GRXCR2: variants seen among roughly 807,000 people sequenced by gnomAD.
The protein encoded by GRXCR2 is glutaredoxin domain-containing cysteine-rich protein 2.
A neutral mutation model predicts 24.8 loss-of-function variants in GRXCR2; 23 were observed. That is an observed-to-expected ratio of 0.93 (90% CI 0.67 to 1.32). The LOEUF (loss-of-function observed/expected upper bound fraction) is 1.32, where lower values mean the gene tolerates loss of function less well. GRXCR2 is among the 40% of genes most tolerant of loss of function. GRXCR2 has a pLI of 0.00. For missense variants in GRXCR2, 315 were observed against 303.4 expected, an observed-to-expected ratio of 1.04 and a Z score of -0.28; for synonymous variants, 130 against 116.1, an observed-to-expected ratio of 1.12 and a Z score of -0.77.
chr5:145,890,513 G>GA (rs1334898616), intron 2 of GRXCR2, among the ~76,000 whole-genome samples: 2 of 152,000 alleles, frequency 1.3e-5, no homozygotes, highest in Non-Finnish European at 2.9e-5. Context: ...AAGTATATTT[G>GA]AAAAAATAAT....
chr5:145,879,894 C>A (rs542908646), intron 2 of GRXCR2, among the ~76,000 whole-genome samples: 2 of 152,308 alleles, frequency 1.3e-5, no homozygotes, highest in East Asian at 3.9e-4. Flanking sequence ...GAAACTCACT[C>A]AAAACCGCAC....
chr5:145,910,142 C>T (rs1490381812), intron 2 of GRXCR2, among the ~76,000 whole-genome samples: 1 of 152,118 alleles, frequency 6.6e-6, no homozygotes, highest in East Asian at 1.9e-4. Context: ...TGTTTTAATA[C>T]CAGGGTTCCA....
At chr5:145,931,289 C>T (rs576359162) in intron 2 of GRXCR2, among the ~76,000 whole-genome samples, 11 of 152,292 alleles carry the variant, frequency 7.2e-5, no homozygotes, top group African/African-American at 2.4e-4. Flanking sequence ...GCCTTAGCCT[C>T]CCAAAGCGCT....
At chr5:145,916,570 T>C (rs1757244490) in intron 2 of GRXCR2, among the ~76,000 whole-genome samples, 1 of 152,218 alleles carries the variant, frequency 6.6e-6, no homozygotes, top group African/African-American at 2.4e-5. Flanking sequence ...ATTTGTATTT[T>C]GAAGAGTTTC....
At position 145,863,709 on chromosome 5, in the gene GRXCR2, G is replaced by T. The variant is rs140829743; in HGVS notation, c.564+2792C>A. On this transcript the variant is annotated intron_variant, in intron 2 of 2. Transcript: ENST00000377976. Reference sequence around the variant, plus strand: ...AGACAGGTCTCATTATGTTGCCCAGGCTAGTTTCGAGCTCCTGGGCTCAAG... The same window carrying T: ...AGACAGGTCTCATTATGTTGCCCAGTCTAGTTTCGAGCTCCTGGGCTCAAG... Among the ~76,000 whole-genome samples the T allele has an allele frequency of 4.3e-4, 65 of 152,190 alleles. 1 individual carries two copies. Among genetic ancestry groups the T allele is most frequent in the African/African-American group, 1.5e-3 (63 of 41,526 alleles).
chr5:145,922,144 C>A (rs1402927092), intron 2 of GRXCR2, among the ~76,000 whole-genome samples: 1 of 152,178 alleles, frequency 6.6e-6, no homozygotes, highest in African/African-American at 2.4e-5. Flanking sequence ...ATGCGGCTGC[C>A]CATACTCCAG....
At position 145,916,946 on chromosome 5, in the gene GRXCR2, C is replaced by T. The variant is rs550769458; in HGVS notation, c.-70+18755G>A. On this transcript the variant is annotated intron_variant, in intron 2 of 3. Transcript: ENST00000639411. ...TTATAGGAGCAAGCGTGGAAACTAA[C>T]TTAAAATCAAGAAGCTCCCTGACTT... 2.0e-5 allele frequency among the ~76,000 whole-genome samples: 3 copies of T among 152,148 alleles called. No homozygotes were observed. The South Asian group carries it at 6.2e-4, about 32-fold the overall frequency.
chr5:145,921,629 T>C (rs1052544839), intron 2 of GRXCR2, among the ~76,000 whole-genome samples: 1 of 152,234 alleles, frequency 6.6e-6, no homozygotes, highest in African/African-American at 2.4e-5. Context: ...GTTGGAGACC[T>C]AGCAACATTC....
chr5:145,925,874 T>C (rs1401387580), intron 2 of GRXCR2, among the ~76,000 whole-genome samples: 3 of 152,124 alleles, frequency 2.0e-5, no homozygotes, highest in Admixed American at 6.6e-5. Flanking sequence ...TTTCACATTA[T>C]CCTGGAAGGC....
intron 2 of GRXCR2, among the ~76,000 whole-genome samples, chr5:145,860,302 A>G (rs1444945877): frequency 6.6e-6 from 1 of 152,166 alleles, no homozygotes; most frequent in Non-Finnish European, 1.5e-5. Flanking sequence ...TGCTGTTCTA[A>G]GTGCTTCCTA....
At chr5:145,924,882 A>G (rs560656117) in intron 2 of GRXCR2, among the ~76,000 whole-genome samples, 1 of 152,214 alleles carries the variant, frequency 6.6e-6, no homozygotes, top group South Asian at 2.1e-4. Context: ...TCAGGCAGCC[A>G]TTCTGTGAGT....
intron 2 of GRXCR2, among the ~76,000 whole-genome samples, chr5:145,866,095 T>C (rs750990715): frequency 7.4e-5 from 11 of 149,394 alleles, no homozygotes; most frequent in Non-Finnish European, 1.2e-4. Context: ...GATCACGCCA[T>C]TGAGATCCTG....
At chr5:145,870,940 T>A (rs1044690493) in intron 1 of GRXCR2, among the ~76,000 whole-genome samples, 7 of 152,092 alleles carry the variant, frequency 4.6e-5, no homozygotes, top group African/African-American at 1.7e-4. Context: ...CCTAGATTTA[T>A]AAATTCTATA....
intron 2 of GRXCR2, among the ~76,000 whole-genome samples, chr5:145,898,729 T>G (rs1756984304): frequency 6.6e-6 from 1 of 152,098 alleles, no homozygotes; most frequent in Admixed American, 6.6e-5. Context: ...CATCTTTTCA[T>G]GGTAAAAACT....
At chr5:145,875,341 G>A (rs1756597089), upstream of GRXCR2, among the ~76,000 whole-genome samples, 2 of 152,202 alleles carry the variant, frequency 1.3e-5, no homozygotes, top group South Asian at 4.1e-4. Flanking sequence ...ACGAGGTCAA[G>A]AGATTAAGAC....
intron 2 of GRXCR2, among the ~76,000 whole-genome samples, chr5:145,897,366 G>A (rs1290459241): frequency 5.3e-5 from 8 of 151,242 alleles, no homozygotes; most frequent in Non-Finnish European, 1.2e-4. Flanking sequence ...ACACTTAATA[G>A]TGGAGAACTT....
intron 2 of GRXCR2, among the ~76,000 whole-genome samples, chr5:145,906,754 T>C (rs1757094198): frequency 6.6e-6 from 1 of 152,130 alleles, no homozygotes. Context: ...GGAAATAGAG[T>C]GCAAAAATAG....
intron 2 of GRXCR2, among the ~76,000 whole-genome samples, chr5:145,885,119 G>C (rs977554853): frequency 8.6e-5 from 13 of 151,694 alleles, no homozygotes; most frequent in East Asian, 1.9e-4. Context: ...GTGTGTGTGT[G>C]TGTCTGTCTG....
chr5:145,866,468 C>T, intron 2 of GRXCR2, 33 bp downstream of exon 2: 1 of 1,530,584 alleles, frequency 6.5e-7, no homozygotes, highest in Non-Finnish European at 9.0e-7. Flanking sequence ...GTAGGGCCAG[C>T]TCCGAGCAGG....
Sources: allele counts gnomAD v4.1 joint callset (sites outside exome capture counted in the v4.1 genomes callset), GRCh38; gene constraint gnomAD v4.1.1; transcripts MANE v1.5; gene names NCBI Gene and HGNC (gene_info 2026-07-23, HGNC 2026-07-21).